Variants in FBH1 observed in about 807,000 individuals in gnomAD.
The protein encoded by FBH1 is DNA 3'-5' helicase 1.
Under a neutral mutation model 115.5 loss-of-function variants are expected in FBH1, and 43 were observed. The ratio of observed to expected loss-of-function variants is 0.37; its 90% CI spans 0.29 to 0.48. The LOEUF (loss-of-function observed/expected upper bound fraction) is 0.48, where lower values mean the gene tolerates loss of function less well. FBH1 is among the 20% of genes least tolerant of loss of function. The pLI is 0.99. For synonymous variants in FBH1, 524 were observed against 507.8 expected, an observed-to-expected ratio of 1.03 and a Z score of -0.43; for missense variants, 1,001 against 1,337.3, an observed-to-expected ratio of 0.75 and a Z score of 3.92.
intron 1 of FBH1, chr10:5,894,916 G>T (rs1021644087): frequency 3.5e-6 from 3 of 865,068 alleles, no homozygotes; most frequent in East Asian, 5.2e-5. Flanking sequence ...CTTACACAAA[G>T]AATTGTTACA....
chr10:5,919,438 G>T (rs61834499), intron 13 of FBH1, among the ~76,000 whole-genome samples: 3 of 152,074 alleles, frequency 2.0e-5, no homozygotes, highest in Non-Finnish European at 4.4e-5. Context: ...GTGAGCCGAG[G>T]TCGCACCATT....
chr10:5,893,784 G>A (rs1304007045), intron 1 of FBH1, among the ~76,000 whole-genome samples: 3 of 152,156 alleles, frequency 2.0e-5, no homozygotes, highest in Non-Finnish European at 2.9e-5. Flanking sequence ...GTCTAAAATA[G>A]CATTTAACAC....
At position 5,924,539 on chromosome 10, in the gene FBH1, C is replaced by G. The variant is rs374682231; in HGVS notation, c.2596+31C>G. 61 of 1,603,562 alleles carry G rather than the reference C, an allele frequency of 3.8e-5. No individual in the cohort carries two copies. Among genetic ancestry groups the G allele is most frequent in the Non-Finnish European group, 2.8e-5 (33 of 1,171,712 alleles). ...GGAAGCAGTTGGTTTTTACCTTCCC[C>G]CTAAGAGGAGGAACAGATGGTCTTC... On this transcript the variant is annotated intron_variant, in intron 17 of 20. Coordinates refer to ENST00000362091, the MANE Select transcript of FBH1 (RefSeq NM_178150.3). The surrounding 1 kb of genome is among the most constrained non-coding windows in gnomAD (Gnocchi z 6.2).
chr10:5,934,367 T>G (rs1212228843), intron 19 of FBH1: 3 of 106,712 alleles, frequency 2.8e-5, no homozygotes, highest in South Asian at 3.2e-4. Context: ...AAGACAGGTT[T>G]TTTTTTTTGT....
rs778902132 is a variant in FBH1, at chr10:5,915,592, T to C, written c.1565+21T>C. The C allele has an allele frequency of 6.2e-7, 1 of 1,610,958 alleles. No individual in the cohort carries two copies. Among genetic ancestry groups the C allele is most frequent in the Non-Finnish European group, 8.5e-7 (1 of 1,177,462 alleles). On this transcript the variant is annotated intron_variant, in intron 9 of 20. Transcript: ENST00000362091. The surrounding 1 kb of genome is among the most constrained non-coding windows in gnomAD (Gnocchi z 5.2). Reference sequence around the variant, plus strand: ...CGGAAGTGAGTACTGCTGTCACTAGTGGCACTGTTGCTGCTGGCACGGTCG... The same window carrying C: ...CGGAAGTGAGTACTGCTGTCACTAGCGGCACTGTTGCTGCTGGCACGGTCG...
Position 5,921,654 on chromosome 10 carries a change from A to G in FBH1, c.2322+85A>G. The G allele has an allele frequency of 6.5e-7, 1 of 1,540,604 alleles. No homozygotes were observed. Among genetic ancestry groups the G allele is most frequent in the South Asian group, 1.3e-5 (1 of 79,824 alleles). On this transcript the variant is annotated intron_variant, in intron 15 of 20. Coordinates refer to ENST00000362091, the MANE Select transcript of FBH1 (RefSeq NM_178150.3). The surrounding 1 kb of genome is among the most constrained non-coding windows in gnomAD (Gnocchi z 6.4). ...AATGGAAATGTTCACCTTCCTTGGGATTATCATGCAAGAAAGCATTTGGGT... is the reference window on the plus strand; with the variant it reads ...AATGGAAATGTTCACCTTCCTTGGGGTTATCATGCAAGAAAGCATTTGGGT...
rs894798784 is a variant in FBH1 at position 5,918,607 on chromosome 10, A to G, written c.2100+129A>G. The G allele has an allele frequency of 1.1e-5, 14 of 1,242,080 alleles. No individual in the cohort carries two copies. The highest frequency in any genetic ancestry group is 1.5e-5 in the Non-Finnish European group (14 of 936,738). The allele number at this position is 1,242,080 out of a possible 1,614,324, so 76.9% of individuals were successfully genotyped here. A position where few individuals can be genotyped will look rare whatever the true frequency, so the allele number is the denominator to read the frequency against. On this transcript the variant is annotated intron_variant, in intron 13 of 20. Coordinates refer to ENST00000362091, the MANE Select transcript of FBH1 (RefSeq NM_178150.3). The surrounding 1 kb of genome is among the most constrained non-coding windows in gnomAD (Gnocchi z 4.0). ...CCTTGCTTCTAAGCCATGGTTCTCA[A>G]AGTGTGGTTCTCAGGGGTCTGCCAA...
Position 5,916,280 on chromosome 10 carries a change from A to G in FBH1, c.1612A>G (p.Met538Val), listed in dbSNP as rs765796603. Residue 538 changes from methionine to valine, a missense_variant, in exon 10 of 21, where the codon ATG becomes GTG. Physicochemically the swap from Met to Val is conservative, Grantham distance 21 (BLOSUM62 1). This residue lies in a region of FBH1 where 521 missense variants were observed against 811.0 expected (regional missense o/e 0.64). Transcript: ENST00000362091. Reference protein sequence around the residue: ...KLNLFKLTPFMVNSVLAEGKG... With the variant: ...KLNLFKLTPFVVNSVLAEGKG... ...GAATCTCTTCAAGTTAACACCCTTC[A>G]TGGTCAACTCCGTCCTTGCTGAAGG... 5 of 1,614,222 alleles carry G rather than the reference A, an allele frequency of 3.1e-6. No homozygotes were observed. The highest frequency in any genetic ancestry group is 2.2e-5 in the South Asian group (2 of 91,084).
At chr10:5,894,826 CAA>C (rs1842917619) in intron 1 of FBH1, among the ~76,000 whole-genome samples, 1 of 152,140 alleles carries the variant, frequency 6.6e-6, no homozygotes, top group African/African-American at 2.4e-5. Context: ...CAGACTTATA[CAA>C]ATAATTGTTA....
At position 5,936,975 on chromosome 10, in the gene FBH1, G is replaced by T. The variant is rs1833398788; in HGVS notation, c.2962-135G>T. The T allele has an allele frequency of 1.0e-6, 1 of 990,220 alleles. No individual in the cohort carries two copies. The highest frequency in any genetic ancestry group is 1.6e-5 in the African/African-American group (1 of 60,958). The allele number at this position is 990,220 out of a possible 1,614,324, so 61.3% of individuals were successfully genotyped here. A position where few individuals can be genotyped will look rare whatever the true frequency, so the allele number is the denominator to read the frequency against. On this transcript the variant is annotated intron_variant, in intron 20 of 20. Transcript: ENST00000362091. This position sits in a 1 kb window ranked among gnomAD's most constrained non-coding sequence, Gnocchi z 5.6. The stretch of plus-strand genomic sequence containing the variant: ...CTGTGGGAGGTGTTACTCTGAGGAT[G>T]TGCACCCCTCTGAAAACATCAGAAT...
Position 5,914,063 on chromosome 10 carries a change from T to G in FBH1, c.1305-115T>G. ...ATGTTTATTCTCGTAAGGGGAGGCC[T>G]TTTTTTTGGTCAGCTTTTGTTTATC... On this transcript the variant is annotated intron_variant, in intron 7 of 20. Transcript: ENST00000362091. This position sits in a 1 kb window ranked among gnomAD's most constrained non-coding sequence, Gnocchi z 5.2. 1.0e-6 allele frequency: 1 copy of G among 994,970 alleles called. No homozygotes were observed. The highest frequency in any genetic ancestry group is 1.5e-6 in the Non-Finnish European group (1 of 663,892). The allele number at this position is 994,970 out of a possible 1,614,324, so 61.6% of individuals were successfully genotyped here.
At position 5,914,413 on chromosome 10, in the gene FBH1, A is replaced by G; in HGVS notation, c.1396+144A>G. 1 of 719,396 alleles carries G rather than the reference A, an allele frequency of 1.4e-6. No homozygotes were observed. The highest frequency in any genetic ancestry group is 2.4e-6 in the Non-Finnish European group (1 of 422,102). 44.6% of individuals were successfully genotyped at this position (719,396 alleles called of 1,614,324 possible). On this transcript the variant is annotated intron_variant, in intron 8 of 20. Coordinates refer to ENST00000362091, the MANE Select transcript of FBH1 (RefSeq NM_178150.3). This position sits in a 1 kb window ranked among gnomAD's most constrained non-coding sequence, Gnocchi z 5.2. ...ATAACAGATCAAATAATCAATCTCAAAAGCAATTGGCCAAGGAATACTTAC... is the reference window on the plus strand; with the variant it reads ...ATAACAGATCAAATAATCAATCTCAGAAGCAATTGGCCAAGGAATACTTAC...
chr10:5,898,603 G>A (rs1843147776), intron 1 of FBH1, among the ~76,000 whole-genome samples: 1 of 152,076 alleles, frequency 6.6e-6, no homozygotes, highest in Non-Finnish European at 1.5e-5. Context: ...TAGAGATGGG[G>A]TTTCACTATG....
rs977909632 is a variant in FBH1 at position 5,902,617 on chromosome 10, C to T, written c.2-403C>T. On this transcript the variant is annotated intron_variant, in intron 1 of 20. Coordinates refer to ENST00000362091, the MANE Select transcript of FBH1 (RefSeq NM_178150.3). The stretch of plus-strand genomic sequence containing the variant: ...AAGTAGCTGGGATTGCAGGTCTGCA[C>T]CACCACGCCCAGCTAATTTTTGTAT... 5.3e-5 allele frequency among the ~76,000 whole-genome samples: 8 copies of T among 152,160 alleles called. No homozygotes were observed. The Middle Eastern group carries it at 0.014, about 259-fold the overall frequency.
rs921447099 is a variant in FBH1 at position 5,897,868 on chromosome 10, T to A, written c.2-5152T>A. The stretch of plus-strand genomic sequence containing the variant: ...AATCTTCGCAACAAGCATTTTGGAT[T>A]CAGACGTATTTTCTGAGATAAATAC... On this transcript the variant is annotated intron_variant, in intron 1 of 20. Transcript: ENST00000362091. The surrounding 1 kb of genome is among the most constrained non-coding windows in gnomAD (Gnocchi z 4.7). Among the ~76,000 whole-genome samples the A allele has an allele frequency of 2.0e-5, 3 of 151,764 alleles. No individual in the cohort carries two copies. Among genetic ancestry groups the A allele is most frequent in the African/African-American group, 7.2e-5 (3 of 41,386 alleles).
At chr10:5,905,484 C>T (rs997767854) in intron 2 of FBH1, among the ~76,000 whole-genome samples, 2 of 152,190 alleles carry the variant, frequency 1.3e-5, no homozygotes, top group African/African-American at 4.8e-5. Flanking sequence ...CACCACTGCA[C>T]TCCAGCCTGG....
At chr10:5,904,985 G>C (rs1255434157) in intron 2 of FBH1, among the ~76,000 whole-genome samples, 2 of 152,160 alleles carry the variant, frequency 1.3e-5, no homozygotes, top group Non-Finnish European at 2.9e-5. Context: ...TATTGATAAA[G>C]TGTTTACTTC....
In FBH1 at chr10:5,924,390, C is replaced by T. The variant is rs144492007; in HGVS notation, c.2478C>T (p.Thr826=). Residue 826 remains threonine, a synonymous_variant, in exon 17 of 21, where the codon ACC becomes ACT. Coordinates refer to ENST00000362091, the MANE Select transcript of FBH1 (RefSeq NM_178150.3). This position sits in a 1 kb window ranked among gnomAD's most constrained non-coding sequence, Gnocchi z 6.2. ...EGFSGFKRYV[T]AAEDKELEAK... Reference sequence around the variant, plus strand: ...TTAGTGGCTTCAAGAGGTATGTGACCGCTGCCGAGGACAAGGAGCTTGAAG... The same window carrying T: ...TTAGTGGCTTCAAGAGGTATGTGACTGCTGCCGAGGACAAGGAGCTTGAAG... 39 of 1,614,088 alleles carry T rather than the reference C, an allele frequency of 2.4e-5. No homozygotes were observed. Among genetic ancestry groups the T allele is most frequent in the African/African-American group, 1.3e-4 (10 of 75,014 alleles).
Position 5,915,488 on chromosome 10 carries a change from C to T in FBH1, c.1482C>T (p.Ile494=), listed in dbSNP as rs774671116. Residue 494 remains isoleucine (I), a synonymous_variant, in exon 9 of 21, where the codon ATC becomes ATT. Transcript: ENST00000362091. This position sits in a 1 kb window ranked among gnomAD's most constrained non-coding sequence, Gnocchi z 5.2. The part of the protein sequence containing the change: ...RFLYVTFNKS[I]AKQAERVFPS... ...TGTATGTGACATTCAACAAGAGCATCGCAAAGCAGGCCGAACGCGTCTTCC... is the reference window on the plus strand; with the variant it reads ...TGTATGTGACATTCAACAAGAGCATTGCAAAGCAGGCCGAACGCGTCTTCC... The T allele has an allele frequency of 2.0e-5, 33 of 1,614,098 alleles. No homozygotes were observed. Among genetic ancestry groups the T allele is most frequent in the East Asian group, 6.7e-5 (3 of 44,890 alleles).
Sources: gnomAD v4.1 joint callset for allele counts (sites outside exome capture counted in the v4.1 genomes callset) on GRCh38, gnomAD v4.1.1 for gene constraint, gnomAD v4.1.1 regional missense constraint, Gnocchi (gnomAD v3.1) non-coding constraint, MANE v1.5 for transcripts, NCBI Gene and HGNC (gene_info 2026-07-23, HGNC 2026-07-21) for gene names.